The following MYCBP2 variants were observed in gnomAD, a reference collection of about 807,000 sequenced individuals.
MYCBP2 encodes the protein MYC binding protein 2.
Under a neutral mutation model 525.3 loss-of-function variants are expected in MYCBP2, and 120 were observed. The ratio of observed to expected loss-of-function variants is 0.23; its 90% CI spans 0.20 to 0.27. The LOEUF (loss-of-function observed/expected upper bound fraction) is 0.27. Ranked by LOEUF, MYCBP2 falls within the 10% of genes least tolerant of loss-of-function variation. The probability of loss-of-function intolerance (pLI) is 1.00; values close to 1 mark genes in which losing one functional copy is unlikely to be tolerated. For missense variants in MYCBP2, 4,149 were observed against 5,657.1 expected (o/e 0.73, Z 8.55); for synonymous variants, 1,894 against 1,955.8 (o/e 0.97, Z 0.83).
intron 82 of MYCBP2, among the ~76,000 whole-genome samples, chr13:77,046,389 T>G (rs1484730182): frequency 6.6e-6 from 1 of 152,194 alleles, no homozygotes; most frequent in Non-Finnish European, 1.5e-5. Flanking sequence ...AAATCTAAAT[T>G]CTGATTGTGC....
At chr13:77,116,806 A>G (rs2049853545) in intron 55 of MYCBP2, among the ~76,000 whole-genome samples, 1 of 152,000 alleles carries the variant, frequency 6.6e-6, no homozygotes, top group Non-Finnish European at 1.5e-5. Context: ...ATTACTGTTT[A>G]TTGTTTTGAA....
At chr13:77,244,400 T>TAC in intron 15 of MYCBP2, among the ~76,000 whole-genome samples, 1 of 152,308 alleles carries the variant, frequency 6.6e-6, no homozygotes, top group East Asian at 1.9e-4. Flanking sequence ...GCCAGCTTCA[T>TAC]GTAATATGTC....
chr13:77,298,862 A>G (rs1033674114), intron 1 of MYCBP2, among the ~76,000 whole-genome samples: 3 of 152,198 alleles, frequency 2.0e-5, no homozygotes, highest in Non-Finnish European at 4.4e-5. Context: ...TATAGAATCT[A>G]CTCAACTACT....
chr13:77,281,514 C>A (rs2076187865), intron 3 of MYCBP2, among the ~76,000 whole-genome samples: 1 of 152,122 alleles, frequency 6.6e-6, no homozygotes, highest in South Asian at 2.1e-4. Context: ...TGCTTTCGCA[C>A]TTCTCTTCAG....
At chr13:77,291,593 C>A (rs2154361904) in intron 2 of MYCBP2, among the ~76,000 whole-genome samples, 1 of 152,268 alleles carries the variant, frequency 6.6e-6, no homozygotes, top group African/African-American at 2.4e-5. Flanking sequence ...CATGGAGAAA[C>A]CCCGTCTCTA....
At position 77,169,566 on chromosome 13, in the gene MYCBP2, A is replaced by G. The variant is rs564349450; in HGVS notation, c.5895+48T>C. On this transcript the variant is annotated intron_variant, in intron 39 of 82. Coordinates refer to ENST00000544440, the MANE Select transcript of MYCBP2 (RefSeq NM_015057.5). ...ACAAGACACAAAGTCTTTTTTTAAA[A>G]AAGATATTTAAAAAAAACATTCAAA... The G allele has an allele frequency of 1.7e-5, 25 of 1,515,124 alleles. No individual in the cohort carries two copies. The South Asian group carries it at 2.8e-4, about 17-fold the overall frequency. The allele number at this position is 1,515,124 out of a possible 1,614,324, so 93.9% of individuals were successfully genotyped here.
At chr13:77,186,157 T>A in intron 30 of MYCBP2, 94 bp from the exon 31 acceptor site, 1 of 905,224 alleles carries the variant, frequency 1.1e-6, no homozygotes, top group Non-Finnish European at 1.5e-6. Context: ...ACTTCAAAAC[T>A]TTCTTTTGAA....
At chr13:77,283,134 A>G (rs1225961941) in intron 3 of MYCBP2, among the ~76,000 whole-genome samples, 1 of 152,186 alleles carries the variant, frequency 6.6e-6, no homozygotes, top group East Asian at 1.9e-4. Context: ...AGGCATATTC[A>G]TAACTACAGG....
intron 1 of MYCBP2, among the ~76,000 whole-genome samples, chr13:77,319,215 A>G (rs954981037): frequency 6.6e-6 from 1 of 152,050 alleles, no homozygotes; most frequent in African/African-American, 2.4e-5. Flanking sequence ...GTTTGGTGAT[A>G]GTCAGTAGGC....
At chr13:77,294,805 GC>G (rs548212420) in intron 2 of MYCBP2, among the ~76,000 whole-genome samples, 59 of 152,306 alleles carry the variant, frequency 3.9e-4, no homozygotes, top group Non-Finnish European at 6.6e-4. Flanking sequence ...TTATTTTTCT[GC>G]CTACCCGGCA....
intron 2 of MYCBP2, among the ~76,000 whole-genome samples, chr13:77,295,982 T>A (rs1452562575): frequency 1.3e-5 from 2 of 152,176 alleles, no homozygotes; most frequent in East Asian, 3.8e-4. Context: ...CTAATTTTAC[T>A]CAAGTTTCTA....
intron 52 of MYCBP2, among the ~76,000 whole-genome samples, chr13:77,134,110 G>T (rs1365197879): frequency 6.6e-6 from 1 of 152,088 alleles, no homozygotes; most frequent in African/African-American, 2.4e-5. Flanking sequence ...ATAAAGAGAA[G>T]ATCACCAACC....
intron 68 of MYCBP2, chr13:77,075,897 A>G (rs889521726): frequency 5.3e-5 from 8 of 152,214 alleles, no homozygotes; most frequent in African/African-American, 1.7e-4. Flanking sequence ...TCAGACCTCA[A>G]ACAAAAACAG....
chr13:77,102,506 TTAAA>T (rs2047221714), intron 55 of MYCBP2, among the ~76,000 whole-genome samples: 1 of 151,690 alleles, frequency 6.6e-6, no homozygotes, highest in Non-Finnish European at 1.5e-5. Flanking sequence ...TTAAATTTAA[TTAAA>T]TAATACTTTA....
chr13:77,273,283 T>C (rs2075117977), intron 5 of MYCBP2, among the ~76,000 whole-genome samples, 189 bp downstream of exon 5: 1 of 152,232 alleles, frequency 6.6e-6, no homozygotes, highest in Admixed American at 6.5e-5. Context: ...CATTTTATTA[T>C]ATTTAAAGCT....
At chr13:77,280,592 C>T (rs537755298) in intron 3 of MYCBP2, among the ~76,000 whole-genome samples, 2 of 152,330 alleles carry the variant, frequency 1.3e-5, no homozygotes, top group South Asian at 2.1e-4. Flanking sequence ...GGCTAAGGTT[C>T]ATTTATTATA....
intron 62 of MYCBP2, among the ~76,000 whole-genome samples, chr13:77,085,921 C>T (rs2044176558): frequency 1.3e-5 from 2 of 152,116 alleles, no homozygotes; most frequent in Admixed American, 6.6e-5. Context: ...ATAGCTGTTA[C>T]AGGTATATGA....
chr13:77,320,720 A>T (rs1027834138), intron 1 of MYCBP2, among the ~76,000 whole-genome samples: 1 of 152,176 alleles, frequency 6.6e-6, no homozygotes, highest in Admixed American at 6.5e-5. Context: ...AGACAACCTC[A>T]CAACCTCTGG....
At chr13:77,304,953 A>G (rs889344066) in intron 1 of MYCBP2, among the ~76,000 whole-genome samples, 2 of 145,116 alleles carry the variant, frequency 1.4e-5, no homozygotes, top group East Asian at 2.2e-4. Flanking sequence ...TAAACAAGGG[A>G]AAAAAAATGT....
Sources: allele counts gnomAD v4.1 joint callset (sites outside exome capture counted in the v4.1 genomes callset), GRCh38; gene constraint gnomAD v4.1.1; transcripts MANE v1.5; gene names NCBI Gene and HGNC (gene_info 2026-07-23, HGNC 2026-07-21).